Variants in S100P observed in about 807,000 individuals in gnomAD.
S100P encodes the protein S100 calcium binding protein P, also known as protein S100-P.
A neutral mutation model predicts 4.7 loss-of-function variants in S100P; 7 were observed. The ratio of observed to expected loss-of-function variants is 1.48; its 90% CI spans 0.84 to 2.77. S100P has a LOEUF of 2.77. Among genes scored for constraint, S100P ranks in the 30% most tolerant of loss-of-function variants. The pLI is 0.00. For synonymous variants in S100P, 48 were observed against 49.0 expected (o/e 0.98, Z 0.08); for missense variants, 122 against 120.6 (o/e 1.01, Z -0.06).
chr4:6,696,773 C>CTGAGCCTGAA (rs59772164), intron 1 of S100P, 120 bp from the exon 2 acceptor site: 854,743 of 858,006 alleles, frequency 1, 425,829 homozygotes, highest in South Asian at 1. Context: ...GGCCCTGGCC[C>CTGAGCCTGAA]TGACAGCAAA....
At position 6,694,967 on chromosome 4, in the gene S100P, CT is replaced by C. The variant is rs59304723; in HGVS notation, c.138+912del. 4.3e-3 allele frequency among the ~76,000 whole-genome samples: 611 copies of C among 141,808 alleles called. 1 individual carries two copies. Among genetic ancestry groups the C allele is most frequent in the South Asian group, 0.013 (58 of 4,516 alleles). The allele number at this position is 141,808 out of a possible 152,430, so 93.0% of individuals were successfully genotyped here. ...TATTGCTTCTATTTTCTTTTCTTTTCTTTTTTTTTTTTTTTGAGACAAGATG... is the reference window on the plus strand; with the variant it reads ...TATTGCTTCTATTTTCTTTTCTTTTCTTTTTTTTTTTTTTGAGACAAGATG... On this transcript the variant is annotated intron_variant, in intron 1 of 1. Coordinates refer to ENST00000296370, the MANE Select transcript of S100P (RefSeq NM_005980.3).
At chr4:6,694,414 T>G (rs944881681) in intron 1 of S100P, among the ~76,000 whole-genome samples, 1 of 152,292 alleles carries the variant, frequency 6.6e-6, no homozygotes, top group African/African-American at 2.4e-5. Context: ...CATTTGCAAG[T>G]TTGCCAAGCT....
At chr4:6,695,360 G>A (rs1322874192) in intron 1 of S100P, among the ~76,000 whole-genome samples, 1 of 152,160 alleles carries the variant, frequency 6.6e-6, no homozygotes, top group African/African-American at 2.4e-5. Context: ...AAATATGGAG[G>A]GAAGAAATCC....
intron 1 of S100P, among the ~76,000 whole-genome samples, chr4:6,696,180 C>T (rs1026336522): frequency 1.3e-5 from 2 of 152,188 alleles, no homozygotes; most frequent in Non-Finnish European, 2.9e-5. Context: ...CATCCTGGTC[C>T]CGCTTGGTCC....
At chr4:6,694,108 G>A (rs1233078220) in intron 1 of S100P, 38 bp downstream of exon 1, 2 of 1,554,544 alleles carry the variant, frequency 1.3e-6, no homozygotes, top group African/African-American at 1.4e-5. Context: ...AGCGGGGGCT[G>A]GGGAAGAAGG....
At position 6,697,127 on chromosome 4, in the gene S100P, G is replaced by A; in HGVS notation, c.*85G>A. On this transcript the variant is annotated 3_prime_UTR_variant, in exon 2 of 2. Coordinates refer to ENST00000296370, the MANE Select transcript of S100P (RefSeq NM_005980.3). Reference sequence around the variant, plus strand: ...TTGTTGGCAATTATTCCCCTAGGCTGAGCCTGCTCATGTACCTCTGATTAA... The same window carrying A: ...TTGTTGGCAATTATTCCCCTAGGCTAAGCCTGCTCATGTACCTCTGATTAA... The A allele has an allele frequency of 9.1e-7, 1 of 1,098,916 alleles. No homozygotes were observed. The highest frequency in any genetic ancestry group is 1.3e-6 in the Non-Finnish European group (1 of 753,290). 68.1% of individuals were successfully genotyped at this position (1,098,916 alleles called of 1,614,324 possible). A position where few individuals can be genotyped will look rare whatever the true frequency, so the allele number is the denominator to read the frequency against.
At chr4:6,694,237 C>T (rs1714315785) in intron 1 of S100P, among the ~76,000 whole-genome samples, 167 bp downstream of exon 1, 1 of 152,170 alleles carries the variant, frequency 6.6e-6, no homozygotes, top group South Asian at 2.1e-4. Context: ...CGGACCCACC[C>T]TGGCATAAAG....
chr4:6,695,775 G>A (rs752951887), intron 1 of S100P, among the ~76,000 whole-genome samples: 5 of 152,194 alleles, frequency 3.3e-5, no homozygotes, highest in Admixed American at 6.5e-5. Flanking sequence ...CAGCAAAGCC[G>A]GAGTCAGAGA....
intron 1 of S100P, 120 bp downstream of exon 1, chr4:6,694,190 A>G: frequency 2.1e-6 from 2 of 970,194 alleles, no homozygotes; most frequent in South Asian, 1.7e-5. Context: ...GGCAAGAGGG[A>G]CAGATCCTGA....
intron 1 of S100P, among the ~76,000 whole-genome samples, 172 bp from the exon 2 acceptor site, chr4:6,696,721 G>T (rs147751016): frequency 8.5e-4 from 129 of 152,348 alleles, no homozygotes; most frequent in Admixed American, 2.2e-3. Flanking sequence ...CAGCTCACAA[G>T]TTCTTAAGGC....
chr4:6,696,997 C>G lies in S100P; in HGVS notation c.243C>G (p.Ile81Met). 1.9e-6 allele frequency: 3 copies of G among 1,613,978 alleles called. No homozygotes were observed. The highest frequency in any genetic ancestry group is 1.7e-6 in the Non-Finnish European group (2 of 1,179,828). The change falls in exon 2 of 2, where the codon ATC (isoleucine) becomes ATG (methionine). Residue 81 changes from isoleucine (I) to methionine (M), a missense_variant. Physicochemically the swap from Ile to Met is conservative, Grantham distance 10 (BLOSUM62 1). Coordinates refer to ENST00000296370, the MANE Select transcript of S100P (RefSeq NM_005980.3). The part of the protein sequence containing the change: ...FSEFIVFVAA[I>M]TSACHKYFEK... ...AGTTCATAGTGTTCGTGGCTGCAATCACGTCTGCCTGTCACAAGTACTTTG... is the reference window on the plus strand; with the variant it reads ...AGTTCATAGTGTTCGTGGCTGCAATGACGTCTGCCTGTCACAAGTACTTTG...
At chr4:6,696,379 G>C (rs1003120082) in intron 1 of S100P, among the ~76,000 whole-genome samples, 1 of 152,168 alleles carries the variant, frequency 6.6e-6, no homozygotes, top group Admixed American at 6.5e-5. Flanking sequence ...GTGACTTCAG[G>C]GCAGGTCCCT....
chr4:6,696,397 TC>T (rs1169222003), intron 1 of S100P, among the ~76,000 whole-genome samples: 4 of 152,202 alleles, frequency 2.6e-5, no homozygotes, highest in Non-Finnish European at 5.9e-5. Context: ...CCTTGGGCCC[TC>T]TGGGCCTTAT....
chr4:6,697,136 C>T lies in S100P; in HGVS notation c.*94C>T, dbSNP rs938651617. ...ATTATTCCCCTAGGCTGAGCCTGCTCATGTACCTCTGATTAATAAATGCTT... is the reference window on the plus strand; with the variant it reads ...ATTATTCCCCTAGGCTGAGCCTGCTTATGTACCTCTGATTAATAAATGCTT... On this transcript the variant is annotated 3_prime_UTR_variant, in exon 2 of 2. Transcript: ENST00000296370. 7.3e-6 allele frequency: 7 copies of T among 958,012 alleles called. No individual in the cohort carries two copies. The highest frequency in any genetic ancestry group is 7.1e-5 in the Admixed American group (3 of 42,052). The allele number at this position is 958,012 out of a possible 1,614,324, so 59.3% of individuals were successfully genotyped here. A position where few individuals can be genotyped will look rare whatever the true frequency, so the allele number is the denominator to read the frequency against.
chr4:6,694,380 G>A (rs536691318), intron 1 of S100P, among the ~76,000 whole-genome samples: 88 of 152,206 alleles, frequency 5.8e-4, no homozygotes, highest in Non-Finnish European at 1.1e-3. Flanking sequence ...GTGGGGGCAG[G>A]GGCGGAATGC....
chr4:6,696,785 G>T, intron 1 of S100P, 108 bp from the exon 2 acceptor site: 2 of 1,131,398 alleles, frequency 1.8e-6, no homozygotes, highest in Non-Finnish European at 1.3e-6. Context: ...GACAGCAAAG[G>T]TGACGCAGAT....
intron 1 of S100P, among the ~76,000 whole-genome samples, chr4:6,694,650 G>C (rs1714323152): frequency 6.6e-6 from 1 of 152,194 alleles, no homozygotes; most frequent in Admixed American, 6.5e-5. Context: ...CCACCGGCCT[G>C]AGCCTCACAG....
intron 1 of S100P, among the ~76,000 whole-genome samples, 164 bp from the exon 2 acceptor site, chr4:6,696,728 AG>A (rs1172247297): frequency 6.6e-6 from 1 of 151,970 alleles, no homozygotes; most frequent in Non-Finnish European, 1.5e-5. Context: ...CAAGTTCTTA[AG>A]GCCAGGAATG....
intron 1 of S100P, 27 bp downstream of exon 1, chr4:6,694,097 C>G (rs1714308354): frequency 6.3e-7 from 1 of 1,581,554 alleles, no homozygotes; most frequent in East Asian, 2.2e-5. Context: ...GTGCTGGACT[C>G]AGCGGGGGCT....
Sources: gnomAD v4.1 joint callset for allele counts (sites outside exome capture counted in the v4.1 genomes callset) on GRCh38, gnomAD v4.1.1 for gene constraint, MANE v1.5 for transcripts, NCBI Gene and HGNC (gene_info 2026-07-23, HGNC 2026-07-21) for gene names.